Variants in EYS observed in about 807,000 individuals in gnomAD.
EYS encodes protein eyes shut homolog.
Under a neutral mutation model 282.1 loss-of-function variants are expected in EYS, and 250 were observed. That is an observed-to-expected ratio of 0.89 (90% CI 0.80 to 0.98). The LOEUF (loss-of-function observed/expected upper bound fraction) is 0.98. Ranked by LOEUF, EYS falls within the 50% of genes least tolerant of loss-of-function variation. The pLI is 0.00. For synonymous variants in EYS, 1,355 were observed against 1,282.9 expected (o/e 1.06, Z -1.20); for missense variants, 4,016 against 3,709.0 (o/e 1.08, Z -2.15).
Position 64,628,128 on chromosome 6 carries a change from T to A in EYS, c.3444-1883A>T, listed in dbSNP as rs532099596. On this transcript the variant is annotated intron_variant, in intron 22 of 42. Transcript: ENST00000503581. ...CAAACAAACAAAGACTTGTTTTAAC[T>A]GTGTGTGGATTTATGGATGGTCTGA... Among the ~76,000 whole-genome samples the A allele has an allele frequency of 7.9e-5, 12 of 152,100 alleles. No individual in the cohort carries two copies. The South Asian group carries it at 2.5e-3, about 32-fold the overall frequency.
intron 35 of EYS, among the ~76,000 whole-genome samples, chr6:63,934,948 C>T (rs1765013473): frequency 6.6e-6 from 1 of 152,018 alleles, no homozygotes. Flanking sequence ...AAAAAAACTA[C>T]CTGCTTTTTT....
intron 2 of EYS, among the ~76,000 whole-genome samples, chr6:65,532,255 T>C (rs574364868): frequency 2.0e-4 from 30 of 152,158 alleles, no homozygotes; most frequent in African/African-American, 7.0e-4. Flanking sequence ...ATTATACCTC[T>C]ACATGTAAGA....
chr6:63,907,490 G>C lies in EYS; in HGVS notation c.7056-43132C>G, dbSNP rs577059245. 2.0e-5 allele frequency among the ~76,000 whole-genome samples: 3 copies of C among 152,270 alleles called. No individual in the cohort carries two copies. The South Asian group carries it at 6.2e-4, about 32-fold the overall frequency. On this transcript the variant is annotated intron_variant, in intron 35 of 42. Transcript: ENST00000503581. ...CTAACCCTCAAGATCTCCTAAGCCA[G>C]TTTCTGATTTTAGTAATAACATGGT... is the stretch of plus-strand genomic sequence containing the variant.
intron 29 of EYS, among the ~76,000 whole-genome samples, chr6:64,314,920 G>C (rs1168748004): frequency 6.6e-6 from 1 of 151,858 alleles, no homozygotes. Flanking sequence ...AAATAACTAA[G>C]ATCAGAGCAG....
chr6:65,542,437 T>C (rs999324781), intron 2 of EYS, among the ~76,000 whole-genome samples: 1 of 151,566 alleles, frequency 6.6e-6, no homozygotes, highest in Non-Finnish European at 1.5e-5. Context: ...ATGGAGATTT[T>C]TCAAAAAAAT....
At chr6:65,290,498 G>C (rs1442304072) in intron 12 of EYS, among the ~76,000 whole-genome samples, 1 of 150,988 alleles carries the variant, frequency 6.6e-6, no homozygotes, top group Non-Finnish European at 1.5e-5. Flanking sequence ...TTTTAAATGT[G>C]AATATTATAA....
At chr6:64,548,774 C>CAT (rs1160456936) in intron 26 of EYS, among the ~76,000 whole-genome samples, 1 of 151,994 alleles carries the variant, frequency 6.6e-6, no homozygotes, top group Non-Finnish European at 1.5e-5. Flanking sequence ...CACATGTATA[C>CAT]ATATGTAACA....
chr6:63,732,038 G>A (rs1768795663), intron 41 of EYS, among the ~76,000 whole-genome samples: 1 of 151,998 alleles, frequency 6.6e-6, no homozygotes. Context: ...TTACCCAGTG[G>A]GGAGGAGCTC....
intron 30 of EYS, among the ~76,000 whole-genome samples, chr6:64,256,440 A>G (rs1463566199): frequency 6.6e-6 from 1 of 152,044 alleles, no homozygotes; most frequent in Non-Finnish European, 1.5e-5. Flanking sequence ...ATGGATGGCT[A>G]TGTGGAAACC....
intron 31 of EYS, among the ~76,000 whole-genome samples, chr6:64,203,621 G>A (rs1310832512): frequency 7.2e-5 from 11 of 152,174 alleles, no homozygotes; most frequent in Admixed American, 6.6e-4. Flanking sequence ...AAGATTGAAT[G>A]TGTTACAATG....
At chr6:64,230,533 G>T in intron 31 of EYS, 59 bp downstream of exon 31, 2 of 1,214,696 alleles carry the variant, frequency 1.6e-6, no homozygotes, top group East Asian at 2.6e-5. Context: ...TTCAACTCCT[G>T]TCCATTCTCT....
At chr6:64,989,278 C>T (rs1394179681) in intron 14 of EYS, among the ~76,000 whole-genome samples, 2 of 149,560 alleles carry the variant, frequency 1.3e-5, no homozygotes, top group Non-Finnish European at 3.0e-5. Context: ...TTTTAAAGAG[C>T]ACACTACAAA....
intron 19 of EYS, among the ~76,000 whole-genome samples, chr6:64,882,940 A>G (rs1308756013): frequency 6.6e-6 from 1 of 151,574 alleles, no homozygotes; most frequent in Non-Finnish European, 1.5e-5. Flanking sequence ...GTGATATAGA[A>G]GAAAATAACA....
intron 13 of EYS, among the ~76,000 whole-genome samples, chr6:65,021,208 C>T (rs1212515706): frequency 6.6e-6 from 1 of 152,190 alleles, no homozygotes; most frequent in East Asian, 1.9e-4. Flanking sequence ...CATCATCAGG[C>T]TGCTGCAAAT....
At chr6:64,405,483 TCAAG>T (rs1436787689) in intron 28 of EYS, among the ~76,000 whole-genome samples, 1 of 152,102 alleles carries the variant, frequency 6.6e-6, no homozygotes, top group Non-Finnish European at 1.5e-5. Context: ...GGCCCGGCAA[TCAAG>T]CAAGAGAAAT....
intron 28 of EYS, among the ~76,000 whole-genome samples, chr6:64,396,400 C>T (rs1291602435): frequency 2.0e-5 from 3 of 151,988 alleles, no homozygotes; most frequent in Non-Finnish European, 2.9e-5. Flanking sequence ...TTTCTTTTTA[C>T]TTTGGGTATC....
At chr6:63,780,700 C>T (rs1283213194) in intron 39 of EYS, among the ~76,000 whole-genome samples, 1 of 152,118 alleles carries the variant, frequency 6.6e-6, no homozygotes, top group South Asian at 2.1e-4. Context: ...CTGTAGGTTG[C>T]CTGTTCACTC....
chr6:64,646,365 T>C (rs1376916289), intron 22 of EYS, among the ~76,000 whole-genome samples: 7 of 152,234 alleles, frequency 4.6e-5, no homozygotes, highest in African/African-American at 1.7e-4. Context: ...GGATTCATTA[T>C]GAAGATTTCA....
chr6:65,380,018 C>G (rs933843414), intron 8 of EYS, among the ~76,000 whole-genome samples: 4 of 151,924 alleles, frequency 2.6e-5, no homozygotes, highest in African/African-American at 9.7e-5. Context: ...CAGGAAAAAT[C>G]AATATTGTGA....
Sources: gnomAD v4.1 joint callset for allele counts (sites outside exome capture counted in the v4.1 genomes callset) on GRCh38, gnomAD v4.1.1 for gene constraint, MANE v1.5 for transcripts, NCBI Gene and HGNC (gene_info 2026-07-23, HGNC 2026-07-21) for gene names.